The following MCF2L variants were observed in gnomAD, a reference collection of about 807,000 sequenced individuals.
The protein encoded by MCF2L is guanine nucleotide exchange factor DBS.
Under a neutral mutation model 153.4 loss-of-function variants are expected in MCF2L, and 97 were observed. The observed-to-expected ratio is 0.63, with a 90% confidence interval of 0.54 to 0.75. The LOEUF (loss-of-function observed/expected upper bound fraction) is 0.75, where lower values mean the gene tolerates loss of function less well. MCF2L is among the 30% of genes least tolerant of loss of function. The pLI is 0.00. For synonymous variants in MCF2L, 659 were observed against 632.2 expected (o/e 1.04, Z -0.64); for missense variants, 1,347 against 1,495.2 (o/e 0.90, Z 1.64).
chr13:113,036,197 C>T (rs1224184697), intron 3 of MCF2L, among the ~76,000 whole-genome samples: 1 of 152,186 alleles, frequency 6.6e-6, no homozygotes, highest in African/African-American at 2.4e-5. Flanking sequence ...GCCAGTGTTG[C>T]AGAAGCTCAC....
chr13:113,077,072 C>G lies in MCF2L; in HGVS notation c.1521C>G (p.Phe507Leu), dbSNP rs779731261. The G allele has an allele frequency of 6.2e-7, 1 of 1,612,428 alleles. No homozygotes were observed. The highest frequency in any genetic ancestry group is 1.1e-5 in the South Asian group (1 of 90,908). The change falls in exon 13 of 30, where the codon TTC (phenylalanine) becomes TTG (leucine). Residue 507 changes from phenylalanine (F) to leucine (L), a missense_variant. By Grantham distance (22) the Phe-to-Leu change is conservative. Coordinates refer to ENST00000535094, the MANE Select transcript of MCF2L (RefSeq NM_001112732.3). ...QDLMEHVRKV[F>L]QKQASMEEVF... ...TTCAGGAGCACGTGCGAAAGGTCTTCCAGAAGCAGGCAAGCATGGAGGAGG... is the reference window on the plus strand; with the variant it reads ...TTCAGGAGCACGTGCGAAAGGTCTTGCAGAAGCAGGCAAGCATGGAGGAGG...
intron 1 of MCF2L, among the ~76,000 whole-genome samples, chr13:112,987,122 CTTT>C (rs1228367708): frequency 1.3e-5 from 2 of 152,116 alleles, no homozygotes; most frequent in African/African-American, 4.8e-5. Context: ...GTGGAGCTGC[CTTT>C]CCCTGAAGCC....
rs1227721034 is a variant in MCF2L at position 113,027,881 on chromosome 13, G to A, written c.278+3123G>A. On this transcript the variant is annotated intron_variant, in intron 3 of 29. Transcript: ENST00000535094. The surrounding 1 kb of genome is among the most constrained non-coding windows in gnomAD (Gnocchi z 4.8). ...AGGACGTAGGCTCCAGGTGTGCTGTGGCCAGAGGGGTGTCCTGGGGAGGGC... is the reference window on the plus strand; with the variant it reads ...AGGACGTAGGCTCCAGGTGTGCTGTAGCCAGAGGGGTGTCCTGGGGAGGGC... Among the ~76,000 whole-genome samples, 2 of 152,206 alleles carry A rather than the reference G, an allele frequency of 1.3e-5. No homozygotes were observed. The highest frequency in any genetic ancestry group is 2.4e-5 in the African/African-American group (1 of 41,448).
At chr13:112,962,268 T>C (rs36172983) in intron 2 of MCF2L, among the ~76,000 whole-genome samples, 98,699 of 151,266 alleles carry the variant, frequency 0.65, 32,453 homozygotes, top group Non-Finnish European at 0.71. Context: ...CTCACACATG[T>C]AGGCACAGAT....
intron 21 of MCF2L, 54 bp downstream of exon 21, chr13:113,086,303 C>A: frequency 6.3e-7 from 1 of 1,591,874 alleles, no homozygotes; most frequent in Non-Finnish European, 8.5e-7. Flanking sequence ...ATACACCAGC[C>A]CAGCAACTTG....
At chr13:113,029,019 G>C (rs903442766) in intron 3 of MCF2L, among the ~76,000 whole-genome samples, 1 of 152,072 alleles carries the variant, frequency 6.6e-6, no homozygotes, top group African/African-American at 2.4e-5. Context: ...GTGAGTGTAT[G>C]CGTGCATTCT....
intron 26 of MCF2L, among the ~76,000 whole-genome samples, chr13:113,093,067 G>T (rs890719504): frequency 6.6e-6 from 1 of 152,204 alleles, no homozygotes; most frequent in Admixed American, 6.5e-5. Flanking sequence ...GGTTCTGTCT[G>T]GCCAGAGGCC....
intron 2 of MCF2L, among the ~76,000 whole-genome samples, chr13:112,955,055 G>A (rs1029210243): frequency 2.6e-5 from 4 of 152,328 alleles, no homozygotes; most frequent in Non-Finnish European, 5.9e-5. Context: ...TCTGCTGAGT[G>A]ACGGGCAACA....
At chr13:113,069,823 C>T (rs1402062987) in intron 8 of MCF2L, among the ~76,000 whole-genome samples, 1 of 152,210 alleles carries the variant, frequency 6.6e-6, no homozygotes, top group Non-Finnish European at 1.5e-5. Context: ...GGGAGAGAAG[C>T]AGGAAGGAAA....
intron 2 of MCF2L, among the ~76,000 whole-genome samples, chr13:113,022,874 C>G (rs887799188): frequency 1.3e-5 from 2 of 152,150 alleles, no homozygotes; most frequent in African/African-American, 4.8e-5. Flanking sequence ...AGGAATTTTC[C>G]GAGAGGAAGT....
chr13:113,090,810 A>G, intron 26 of MCF2L: 1 of 985,482 alleles, frequency 1.0e-6, no homozygotes, highest in South Asian at 4.7e-5. Flanking sequence ...TGAAACAAAC[A>G]AACAAACAAC....
chr13:112,902,039 T>C (rs1231691551), intron 1 of MCF2L, among the ~76,000 whole-genome samples: 1 of 152,252 alleles, frequency 6.6e-6, no homozygotes, highest in African/African-American at 2.4e-5. Flanking sequence ...CAGTGGAAAT[T>C]GACCGGAGAA....
chr13:112,921,155 C>T (rs751693367), intron 2 of MCF2L, among the ~76,000 whole-genome samples: 5 of 151,890 alleles, frequency 3.3e-5, no homozygotes, highest in Admixed American at 6.6e-5. Flanking sequence ...CTAGCCTGAG[C>T]GACAGAGCAA....
rs1236186878 is a variant in MCF2L at position 113,076,025 on chromosome 13, C to T, written c.1368C>T (p.Cys456=). Residue 456 remains cysteine (C), a synonymous_variant, in exon 12 of 30, where the codon TGC becomes TGT. Transcript: ENST00000535094. ...TGGCCTCACAACCTGTGGACAAGTG[C>T]CAGTCCCAGGACGGCGCGGAGGCTG... ...YLLASQPVDK[C]QSQDGAEAAL... 2 of 1,613,738 alleles carry T rather than the reference C, an allele frequency of 1.2e-6. No individual in the cohort carries two copies. The highest frequency in any genetic ancestry group is 8.5e-7 in the Non-Finnish European group (1 of 1,179,936).
chr13:113,003,607 G>A (rs1002973489), intron 1 of MCF2L, among the ~76,000 whole-genome samples: 3 of 152,184 alleles, frequency 2.0e-5, no homozygotes, highest in African/African-American at 7.2e-5. Flanking sequence ...GAAGGACCAG[G>A]CAAAGCCAGG....
chr13:113,032,496 C>A (rs910808416), intron 3 of MCF2L, among the ~76,000 whole-genome samples: 3 of 152,254 alleles, frequency 2.0e-5, no homozygotes, highest in Non-Finnish European at 4.4e-5. Flanking sequence ...TCGCAGCTTG[C>A]TGCTTCTGTT....
intron 1 of MCF2L, among the ~76,000 whole-genome samples, chr13:112,971,608 C>T (rs1360791498): frequency 6.6e-6 from 1 of 152,222 alleles, no homozygotes. Flanking sequence ...CAGATTTATG[C>T]ATTTCTTCTG....
rs1032857327 is a variant in MCF2L, at chr13:112,904,136, T to G, written c.169+1765T>G. 1.7e-4 allele frequency among the ~76,000 whole-genome samples: 26 copies of G among 151,412 alleles called. No individual in the cohort carries two copies. The highest frequency in any genetic ancestry group is 6.3e-4 in the South Asian group (3 of 4,740). On this transcript the variant is annotated intron_variant, in intron 2 of 29. Coordinates refer to the MCF2L transcript ENST00000375608. This position sits in a 1 kb window ranked among gnomAD's most constrained non-coding sequence, Gnocchi z 4.2. The stretch of plus-strand genomic sequence containing the variant: ...ACTGAGGAGCTGGCCGCGGTTAGGG[T>G]TAGGGTTAGAGGTTAAGGTTAGGGT...
intron 1 of MCF2L, among the ~76,000 whole-genome samples, chr13:113,003,095 G>T (rs2083472395): frequency 6.6e-6 from 1 of 152,204 alleles, no homozygotes; most frequent in African/African-American, 2.4e-5. Flanking sequence ...AGAATCATTT[G>T]AGCCCAGGAG....
Sources: allele counts gnomAD v4.1 joint callset (sites outside exome capture counted in the v4.1 genomes callset), GRCh38; gene constraint gnomAD v4.1.1; non-coding constraint Gnocchi (gnomAD v3.1); transcripts MANE v1.5; gene names NCBI Gene and HGNC (gene_info 2026-07-23, HGNC 2026-07-21).